COTL1: variants seen among roughly 807,000 people sequenced by gnomAD.
The protein encoded by COTL1 is coactosin-like protein.
A neutral mutation model predicts 16.5 loss-of-function variants in COTL1; 15 were observed. The ratio of observed to expected loss-of-function variants is 0.91; its 90% CI spans 0.61 to 1.40. The LOEUF is 1.40. Among genes scored for constraint, COTL1 ranks in the 40% most tolerant of loss-of-function variants. The pLI is 0.00. For missense variants in COTL1, 220 were observed against 201.5 expected (o/e 1.09, Z -0.56); for synonymous variants, 112 against 85.3 (o/e 1.31, Z -1.73).
chr16:84,575,094 G>A (rs1567531290), intron 3 of COTL1, among the ~76,000 whole-genome samples: 4 of 152,036 alleles, frequency 2.6e-5, no homozygotes, highest in Admixed American at 6.6e-5. Flanking sequence ...CTGGAGTGCA[G>A]TGGTGCAATC....
chr16:84,597,985 C>G (rs1057279425), intron 2 of COTL1, among the ~76,000 whole-genome samples: 1 of 152,178 alleles, frequency 6.6e-6, no homozygotes, highest in African/African-American at 2.4e-5. Flanking sequence ...CCATAAGCCA[C>G]GAGGATTCAG....
chr16:84,577,815 G>A (rs1280509002), intron 3 of COTL1, among the ~76,000 whole-genome samples: 4 of 152,108 alleles, frequency 2.6e-5, no homozygotes, highest in Non-Finnish European at 4.4e-5. Context: ...CTAGAAGCAC[G>A]CTGTGAGTGT....
intron 3 of COTL1, among the ~76,000 whole-genome samples, chr16:84,577,249 G>C (rs922911690): frequency 1.5e-4 from 23 of 152,124 alleles, no homozygotes; most frequent in Non-Finnish European, 2.6e-4. Flanking sequence ...TTTTGGTTTT[G>C]GTTTTGGTTT....
rs1904299209 is a variant in COTL1 at position 84,566,551 on chromosome 16, C to A, written c.*294G>T. The A allele has an allele frequency of 3.0e-6, 1 of 331,194 alleles. No individual in the cohort carries two copies. The highest frequency in any genetic ancestry group is 4.3e-5 in the South Asian group (1 of 23,240). The allele number at this position is 331,194 out of a possible 1,614,324, so 20.5% of individuals were successfully genotyped here. On this transcript the variant is annotated 3_prime_UTR_variant, in exon 4 of 4. Transcript: ENST00000262428. ...GGTCACTGCAGGAGGCACCTCGGAT[C>A]TGATGGCAGGCAGGACCTTGCATCA...
chr16:84,580,344 A>C (rs1904555321), intron 3 of COTL1, among the ~76,000 whole-genome samples: 1 of 152,134 alleles, frequency 6.6e-6, no homozygotes, highest in Non-Finnish European at 1.5e-5. Context: ...AGCTCACTGC[A>C]TCCTTGACCT....
chr16:84,579,976 T>C lies in COTL1; in HGVS notation c.318+10129A>G, dbSNP rs774816573. On this transcript the variant is annotated intron_variant, in intron 3 of 3. Transcript: ENST00000262428. ...GACCTGTACACGTTCGAATGCTGCA[T>C]CCTCACGGCACAGCGACTGTATACC... 4.5e-4 allele frequency among the ~76,000 whole-genome samples: 69 copies of C among 152,218 alleles called. 1 individual carries two copies. Among genetic ancestry groups the C allele is most frequent in the Non-Finnish European group, 9.0e-4 (61 of 68,032 alleles).
In COTL1 at chr16:84,618,014, G is replaced by A. The variant is rs1316003369; in HGVS notation, c.-100C>T. On this transcript the variant is annotated 5_prime_UTR_variant, in exon 1 of 4. Coordinates refer to ENST00000262428, the MANE Select transcript of COTL1 (RefSeq NM_021149.5). Reference sequence around the variant, plus strand: ...GGCGGGTACGCGCCGAGGGCGCACGGGCTGGCGGCGGTGGCGACGGCTACG... The same window carrying A: ...GGCGGGTACGCGCCGAGGGCGCACGAGCTGGCGGCGGTGGCGACGGCTACG... 2.9e-6 allele frequency: 2 copies of A among 683,838 alleles called. No individual in the cohort carries two copies. The highest frequency in any genetic ancestry group is 1.9e-5 in the African/African-American group (1 of 51,708). 42.4% of individuals were successfully genotyped at this position (683,838 alleles called of 1,614,324 possible).
chr16:84,571,449 G>C (rs1194496746), intron 3 of COTL1, among the ~76,000 whole-genome samples: 1 of 152,136 alleles, frequency 6.6e-6, no homozygotes, highest in African/African-American at 2.4e-5. Flanking sequence ...CATGAGGCTG[G>C]TTAAGCGGCA....
intron 3 of COTL1, among the ~76,000 whole-genome samples, chr16:84,580,277 G>C (rs112984601): frequency 1.0e-3 from 159 of 152,280 alleles, no homozygotes; most frequent in African/African-American, 3.7e-3. Flanking sequence ...TTGAGACAAG[G>C]TCTTGCTCTG....
chr16:84,580,904 G>A (rs1011829737), intron 3 of COTL1, among the ~76,000 whole-genome samples: 3 of 152,188 alleles, frequency 2.0e-5, no homozygotes, highest in African/African-American at 7.2e-5. Context: ...AGCACTTTGG[G>A]AGGCTGAGGC....
chr16:84,606,282 G>A (rs980456192), intron 2 of COTL1, among the ~76,000 whole-genome samples: 3 of 152,234 alleles, frequency 2.0e-5, no homozygotes, highest in Non-Finnish European at 4.4e-5. Context: ...CAGTGGTAGC[G>A]GCCGGGAGCC....
chr16:84,602,777 T>A (rs149237972), intron 2 of COTL1, among the ~76,000 whole-genome samples: 1 of 149,954 alleles, frequency 6.7e-6, no homozygotes, highest in African/African-American at 2.5e-5. Context: ...ATTGCTTGAG[T>A]CCAGGAGGCA....
chr16:84,617,532 C>T lies in COTL1; in HGVS notation c.129G>A (p.Ala43=), dbSNP rs1012827226. 1.1e-5 allele frequency: 17 copies of T among 1,557,010 alleles called. No homozygotes were observed. The African/African-American group carries it at 1.9e-4, about 17-fold the overall frequency. The change falls in exon 2 of 4, where the codon GCG becomes GCA. Residue 43 remains alanine (A), a synonymous_variant. Transcript: ENST00000262428. Reference sequence around the variant, plus strand: ...ACTGCTGGATGAAGTGCTGGTACTCCGCTCCCTGCTCGCCGGGGACGATGG... The same window carrying T: ...ACTGCTGGATGAAGTGCTGGTACTCTGCTCCCTGCTCGCCGGGGACGATGG... ...GSTIVPGEQG[A]EYQHFIQQCT... is the part of the protein sequence containing the mutation.
At chr16:84,592,571 G>C (rs1567535826) in intron 2 of COTL1, among the ~76,000 whole-genome samples, 1 of 148,510 alleles carries the variant, frequency 6.7e-6, no homozygotes, top group Non-Finnish European at 1.5e-5. Flanking sequence ...TGATGCTGAT[G>C]CTACTGGTCA....
intron 2 of COTL1, among the ~76,000 whole-genome samples, chr16:84,594,181 T>C (rs1904940745): frequency 6.7e-6 from 1 of 149,388 alleles, no homozygotes; most frequent in African/African-American, 2.4e-5. Flanking sequence ...CATCAGTTGA[T>C]AGACATTTGG....
intron 3 of COTL1, among the ~76,000 whole-genome samples, chr16:84,570,271 T>C (rs1201838670): frequency 2.0e-5 from 3 of 151,910 alleles, no homozygotes; most frequent in African/African-American, 4.8e-5. Context: ...CGAGATTCCA[T>C]CTCAAAAAAA....
chr16:84,600,044 G>A (rs892993163), intron 2 of COTL1, among the ~76,000 whole-genome samples: 1 of 152,186 alleles, frequency 6.6e-6, no homozygotes, highest in African/African-American at 2.4e-5. Context: ...TGAGGCTGGG[G>A]CTGGAAGGGG....
At chr16:84,598,180 C>T (rs1417829717) in intron 2 of COTL1, among the ~76,000 whole-genome samples, 4 of 152,174 alleles carry the variant, frequency 2.6e-5, no homozygotes, top group Admixed American at 6.5e-5. Flanking sequence ...CCCCTTCCCA[C>T]CCAGAGAGAG....
At chr16:84,585,820 T>G (rs538506367) in intron 3 of COTL1, among the ~76,000 whole-genome samples, 17 of 152,188 alleles carry the variant, frequency 1.1e-4, no homozygotes, top group Non-Finnish European at 1.9e-4. Flanking sequence ...TAATTAACAT[T>G]CGTAAGTGGA....
Sources: gnomAD v4.1 joint callset for allele counts (sites outside exome capture counted in the v4.1 genomes callset) on GRCh38, gnomAD v4.1.1 for gene constraint, MANE v1.5 for transcripts, NCBI Gene and HGNC (gene_info 2026-07-23, HGNC 2026-07-21) for gene names.